Variants in POU6F1 observed in about 807,000 individuals in gnomAD.
POU6F1 encodes POU class 6 homeobox 1.
A neutral mutation model predicts 28.9 loss-of-function variants in POU6F1; 9 were observed. The ratio of observed to expected loss-of-function variants is 0.31; its 90% confidence interval spans 0.19 to 0.54. The LOEUF (loss-of-function observed/expected upper bound fraction) is 0.54. Among genes scored for constraint, POU6F1 ranks in the 20% least tolerant of loss-of-function variants. The probability of loss-of-function intolerance (pLI) is 0.94; values close to 1 mark genes in which losing one functional copy is unlikely to be tolerated. For synonymous variants in POU6F1, 173 were observed against 171.1 expected (o/e 1.01, Z -0.09); for missense variants, 338 against 426.1 (o/e 0.79, Z 1.82).
intron 2 of POU6F1, among the ~76,000 whole-genome samples, 158 bp from the exon 3 acceptor site, chr12:51,204,526 G>A (rs531214614): frequency 1.6e-4 from 25 of 152,260 alleles, no homozygotes; most frequent in African/African-American, 4.6e-4. Context: ...AGAGCCTGGC[G>A]CAGGTTGCAG....
At position 51,198,037 on chromosome 12, in the gene POU6F1, CAG is replaced by C. The variant is rs1185750658; in HGVS notation, c.593-16_593-15del. 5.0e-6 allele frequency: 2 copies of C among 399,266 alleles called. No homozygotes were observed. Among genetic ancestry groups the C allele is most frequent in the Non-Finnish European group, 8.8e-6 (2 of 226,402 alleles). The allele number at this position is 399,266 out of a possible 1,614,324, so 24.7% of individuals were successfully genotyped here. A position where few individuals can be genotyped will look rare whatever the true frequency, so the allele number is the denominator to read the frequency against. On this transcript the variant is annotated splice_polypyrimidine_tract_variant and intron_variant, in intron 5 of 10. Coordinates refer to ENST00000333640, the MANE Select transcript of POU6F1 (RefSeq NM_001330422.2). The stretch of plus-strand genomic sequence containing the variant: ...GCACAGCAGCTGCTATGGAGCAAGG[CAG>C]AGACAGAGGTGCTCAAATGCCTAGC...
intron 1 of POU6F1, among the ~76,000 whole-genome samples, chr12:51,211,810 G>A (rs1358686338): frequency 6.6e-6 from 1 of 152,120 alleles, no homozygotes; most frequent in Non-Finnish European, 1.5e-5. Context: ...AGGGGTAGAA[G>A]GAACAGCAAG....
At chr12:51,192,695 G>C (rs1942508762) in intron 8 of POU6F1, among the ~76,000 whole-genome samples, 1 of 152,116 alleles carries the variant, frequency 6.6e-6, no homozygotes, top group South Asian at 2.1e-4. Context: ...ACTTGAGGTT[G>C]GGAGTTTGAT....
rs1481385658 is a variant in POU6F1 at position 51,195,965 on chromosome 12, T to G, written c.1179+5A>C. On this transcript the variant is annotated splice_donor_5th_base_variant and intron_variant, in intron 8 of 10. Coordinates refer to ENST00000333640, the MANE Select transcript of POU6F1 (RefSeq NM_001330422.2). The stretch of plus-strand genomic sequence containing the variant: ...CCCACCCCCCACCCCCCCCAGCCCC[T>G]GTACCTCACTCTTAGCAGGGGACTC... The G allele has an allele frequency of 2.1e-5, 4 of 186,506 alleles. No homozygotes were observed. Among genetic ancestry groups the G allele is most frequent in the Non-Finnish European group, 3.9e-5 (4 of 102,866 alleles). The allele number at this position is 186,506 out of a possible 1,614,324, so 11.6% of individuals were successfully genotyped here. A position where few individuals can be genotyped will look rare whatever the true frequency, so the allele number is the denominator to read the frequency against.
chr12:51,189,968 G>A lies in POU6F1; in HGVS notation c.*279C>T. The stretch of plus-strand genomic sequence containing the variant: ...CCAGAATTCACCCTTCAGAAACCAT[G>A]CTAGCAAGGTGCTTCTCTAAGTGAC... On this transcript the variant is annotated 3_prime_UTR_variant, in exon 11 of 11. Transcript: ENST00000333640. The A allele has an allele frequency of 2.2e-6, 1 of 459,788 alleles. No individual in the cohort carries two copies. Among genetic ancestry groups the A allele is most frequent in the Admixed American group, 3.6e-5 (1 of 27,956 alleles). 28.5% of individuals were successfully genotyped at this position (459,788 alleles called of 1,614,324 possible).
chr12:51,212,688 G>A lies in POU6F1; in HGVS notation c.-48+4954C>T, dbSNP rs1009981039. On this transcript the variant is annotated intron_variant, in intron 1 of 10. Transcript: ENST00000333640. The stretch of plus-strand genomic sequence containing the variant: ...CCAGCTACTCGGGAGGCTGAGGCAG[G>A]AGAATCGCTTGAACAACAGGGAGGC... Among the ~76,000 whole-genome samples the A allele has an allele frequency of 2.2e-5, 3 of 138,476 alleles. No individual in the cohort carries two copies. In the East Asian group the frequency reaches 7.0e-4, roughly 32 times the overall value. 90.8% of individuals were successfully genotyped at this position (138,476 alleles called of 152,430 possible).
Position 51,188,494 on chromosome 12 carries a change from G to C in POU6F1, c.*1753C>G, listed in dbSNP as rs1186272608. ...CAAATGCAGCAGAGCGTGTATGTGT[G>C]TGTGTGTGCGCGCGTCTGTGCGCGC... On this transcript the variant is annotated 3_prime_UTR_variant, in exon 11 of 11. Transcript: ENST00000333640. The C allele has an allele frequency of 6.6e-6, 1 of 152,286 alleles. No homozygotes were observed. Among genetic ancestry groups the C allele is most frequent in the Non-Finnish European group, 1.5e-5 (1 of 68,064 alleles). The allele number at this position is 152,286 out of a possible 1,614,324, so 9.4% of individuals were successfully genotyped here. A position where few individuals can be genotyped will look rare whatever the true frequency, so the allele number is the denominator to read the frequency against.
rs532259557 is a variant in POU6F1 at position 51,196,255 on chromosome 12, G to A, written c.976-82C>T. On this transcript the variant is annotated intron_variant, in intron 7 of 10. Transcript: ENST00000333640. ...AAACCCAGATCCCCACACCACCAGG[G>A]GAACAGACTAATGGACAAATCCCTC... 6.7e-6 allele frequency: 8 copies of A among 1,196,944 alleles called. No homozygotes were observed. In the East Asian group the frequency reaches 1.6e-4, roughly 24 times the overall value. 74.1% of individuals were successfully genotyped at this position (1,196,944 alleles called of 1,614,324 possible). A position where few individuals can be genotyped will look rare whatever the true frequency, so the allele number is the denominator to read the frequency against.
chr12:51,195,027 C>T (rs1256995352), intron 8 of POU6F1, among the ~76,000 whole-genome samples: 1 of 152,212 alleles, frequency 6.6e-6, no homozygotes, highest in Non-Finnish European at 1.5e-5. Context: ...TCCAGCAAGG[C>T]CTCCAGGGGA....
intron 1 of POU6F1, among the ~76,000 whole-genome samples, chr12:51,212,665 A>G (rs1297729568): frequency 6.7e-6 from 1 of 148,830 alleles, no homozygotes; most frequent in African/African-American, 2.5e-5. Flanking sequence ...CTGTAATCCC[A>G]GCTACTCGGG....
In POU6F1 at chr12:51,188,795, G is replaced by T. The variant is rs1158081685; in HGVS notation, c.*1452C>A. On this transcript the variant is annotated 3_prime_UTR_variant, in exon 11 of 11. Coordinates refer to ENST00000333640, the MANE Select transcript of POU6F1 (RefSeq NM_001330422.2). ...GAGACCAGCCTCTGTAAGGATAAGA[G>T]TACTGAAGACAGGGGTGGTTGACCC... The T allele has an allele frequency of 6.6e-6, 1 of 152,244 alleles. No homozygotes were observed. Among genetic ancestry groups the T allele is most frequent in the Non-Finnish European group, 1.5e-5 (1 of 68,082 alleles). 9.4% of individuals were successfully genotyped at this position (152,244 alleles called of 1,614,324 possible).
At chr12:51,192,020 A>C (rs545864813) in intron 9 of POU6F1, among the ~76,000 whole-genome samples, 1 of 152,278 alleles carries the variant, frequency 6.6e-6, no homozygotes, top group African/African-American at 2.4e-5. Context: ...CATTCTCCCT[A>C]GGCCTGGCCC....
At chr12:51,205,132 C>T (rs933881730) in intron 2 of POU6F1, among the ~76,000 whole-genome samples, 2 of 151,450 alleles carry the variant, frequency 1.3e-5, no homozygotes, top group East Asian at 1.9e-4. Context: ...TCCACCCCCC[C>T]GGGTTCACGC....
chr12:51,197,270 T>A (rs534002264), intron 6 of POU6F1, among the ~76,000 whole-genome samples: 1 of 151,494 alleles, frequency 6.6e-6, no homozygotes, highest in African/African-American at 2.4e-5. Flanking sequence ...GGCTAGGGGC[T>A]GCAGGGGTCA....
intron 3 of POU6F1, among the ~76,000 whole-genome samples, chr12:51,201,350 C>G (rs1943190811): frequency 6.6e-6 from 1 of 152,100 alleles, no homozygotes; most frequent in East Asian, 1.9e-4. Flanking sequence ...AGGTTTATCT[C>G]CTCTGTGGAG....
chr12:51,211,803 G>A (rs979386760), intron 1 of POU6F1, among the ~76,000 whole-genome samples: 1 of 152,062 alleles, frequency 6.6e-6, no homozygotes, highest in Non-Finnish European at 1.5e-5. Flanking sequence ...CAGCCTCAGG[G>A]GTAGAAGGAA....
intron 2 of POU6F1, 41 bp from the exon 3 acceptor site, chr12:51,204,409 G>A (rs1592176744): frequency 2.5e-6 from 1 of 399,184 alleles, no homozygotes; most frequent in East Asian, 3.6e-5. Context: ...ATAGGGGCCA[G>A]TATAGCCGCA....
chr12:51,205,944 A>G (rs1443807744), intron 2 of POU6F1, among the ~76,000 whole-genome samples: 1 of 146,432 alleles, frequency 6.8e-6, no homozygotes, highest in African/African-American at 2.5e-5. Flanking sequence ...TCAGCCACCC[A>G]AGTAGCTGGG....
intron 3 of POU6F1, among the ~76,000 whole-genome samples, chr12:51,203,266 G>A (rs893281327): frequency 5.3e-5 from 8 of 152,130 alleles, no homozygotes; most frequent in Non-Finnish European, 7.3e-5. Context: ...AGCGAAGTGA[G>A]GGCATGATGA....
Sources: gnomAD v4.1 joint callset for allele counts (sites outside exome capture counted in the v4.1 genomes callset) on GRCh38, gnomAD v4.1.1 for gene constraint, MANE v1.5 for transcripts, NCBI Gene and HGNC (gene_info 2026-07-23, HGNC 2026-07-21) for gene names.